CRISPLD2: variants seen among roughly 807,000 people sequenced by gnomAD.
The protein encoded by CRISPLD2 is cysteine-rich secretory protein LCCL domain-containing 2.
CRISPLD2 carries 47 observed loss-of-function variants against 71.1 expected under a neutral mutation model. The observed-to-expected ratio is 0.66, with a 90% CI of 0.52 to 0.84. CRISPLD2 has a LOEUF of 0.84. Among genes scored for constraint, CRISPLD2 ranks in the 40% least tolerant of loss-of-function variants. CRISPLD2 has a pLI of 0.00. For missense variants in CRISPLD2, 830 were observed against 651.1 expected, an observed-to-expected ratio of 1.27 and a Z score of -2.99; for synonymous variants, 317 against 250.1, an observed-to-expected ratio of 1.27 and a Z score of -2.52.
chr16:84,893,520 C>T (rs1002700661), intron 14 of CRISPLD2, among the ~76,000 whole-genome samples: 1 of 152,236 alleles, frequency 6.6e-6, no homozygotes, highest in African/African-American at 2.4e-5. Flanking sequence ...GTCCCTGGCA[C>T]CCAGGATCCC....
chr16:84,821,397 C>G (rs747325919), intron 1 of CRISPLD2, among the ~76,000 whole-genome samples: 1 of 152,206 alleles, frequency 6.6e-6, no homozygotes. Context: ...GCGGCAGGCA[C>G]GCGGTCTGTG....
chr16:84,864,833 T>C (rs1917491185), intron 6 of CRISPLD2, among the ~76,000 whole-genome samples: 1 of 152,152 alleles, frequency 6.6e-6, no homozygotes, highest in Admixed American at 6.5e-5. Flanking sequence ...TGGGGAACAG[T>C]GCAGGGTGAC....
At chr16:84,827,075 C>T (rs1278764038) in intron 1 of CRISPLD2, among the ~76,000 whole-genome samples, 2 of 152,092 alleles carry the variant, frequency 1.3e-5, no homozygotes, top group African/African-American at 2.4e-5. Context: ...AGCGCCGTAG[C>T]CCCGGTCACA....
At chr16:84,862,694 T>TA (rs1555562446) in intron 6 of CRISPLD2, among the ~76,000 whole-genome samples, 4 of 148,356 alleles carry the variant, frequency 2.7e-5, no homozygotes, top group Non-Finnish European at 4.5e-5. Flanking sequence ...TTTTTTTTTT[T>TA]AACGTGGCTC....
chr16:84,858,705 A>T (rs1332212389), intron 6 of CRISPLD2, among the ~76,000 whole-genome samples: 1 of 152,232 alleles, frequency 6.6e-6, no homozygotes, highest in East Asian at 1.9e-4. Context: ...TGGAGAATTG[A>T]TATACCCCTG....
At chr16:84,866,816 T>A in intron 6 of CRISPLD2, 81 bp from the exon 7 acceptor site, 2 of 1,392,134 alleles carry the variant, frequency 1.4e-6, no homozygotes, top group Non-Finnish European at 2.0e-6. Flanking sequence ...CGTTTAGTTT[T>A]CAAATTGCTT....
intron 1 of CRISPLD2, among the ~76,000 whole-genome samples, chr16:84,822,309 G>A (rs779459533): frequency 4.3e-4 from 66 of 152,356 alleles, no homozygotes; most frequent in Non-Finnish European, 4.4e-4. Flanking sequence ...TAAAACCTCT[G>A]CACTTCATCC....
chr16:84,829,403 A>C (rs1053093650), intron 1 of CRISPLD2, among the ~76,000 whole-genome samples: 1 of 152,206 alleles, frequency 6.6e-6, no homozygotes, highest in African/African-American at 2.4e-5. Flanking sequence ...TGCCAGAGAC[A>C]CAAACGGGGG....
intron 11 of CRISPLD2, among the ~76,000 whole-genome samples, chr16:84,875,255 A>ATG (rs2071507543): frequency 9.6e-6 from 1 of 104,392 alleles, no homozygotes; most frequent in Non-Finnish European, 1.8e-5. Context: ...AAATATATAC[A>ATG]TATGTGTGTG....
rs556281353 is a variant in CRISPLD2 at position 84,846,940 on chromosome 16, G to T, written c.359+1036G>T. Among the ~76,000 whole-genome samples the T allele has an allele frequency of 9.8e-5, 15 of 152,308 alleles. No individual in the cohort carries two copies. In the East Asian group the frequency reaches 2.9e-3, roughly 29 times the overall value. ...AAGAACCCAGAAGTCCCCTCCTGGG[G>T]GCTGACGGCTGGTTTCATTGGAGAA... On this transcript the variant is annotated intron_variant, in intron 3 of 14. Transcript: ENST00000262424.
rs751934011 is a variant in CRISPLD2 at position 84,845,767 on chromosome 16, G to A, written c.241-19G>A. 22 of 1,570,046 alleles carry A rather than the reference G, an allele frequency of 1.4e-5. No homozygotes were observed. Among genetic ancestry groups the A allele is most frequent in the African/African-American group, 2.7e-5 (2 of 74,032 alleles). ...CCCTCACCCTCACCTCCTGGTGCCC[G>A]TTTCTCCTTCTCCTGCAGACCTGGG... On this transcript the variant is annotated intron_variant, in intron 2 of 14. Transcript: ENST00000262424.
intron 6 of CRISPLD2, among the ~76,000 whole-genome samples, chr16:84,858,713 C>T (rs1392421184): frequency 6.6e-6 from 1 of 152,224 alleles, no homozygotes; most frequent in African/African-American, 2.4e-5. Context: ...TGATATACCC[C>T]TGAGCTTAGG....
chr16:84,852,897 C>T (rs769678569), intron 5 of CRISPLD2, among the ~76,000 whole-genome samples: 1 of 152,128 alleles, frequency 6.6e-6, no homozygotes, highest in East Asian at 1.9e-4. Flanking sequence ...AAAACCCCAT[C>T]TCCACGAAAA....
intron 13 of CRISPLD2, among the ~76,000 whole-genome samples, chr16:84,883,820 G>A (rs902512477): frequency 5.9e-5 from 9 of 151,312 alleles, no homozygotes; most frequent in Non-Finnish European, 1.0e-4. Flanking sequence ...GCCATCCTGC[G>A]TTAAGCCTGG....
At chr16:84,906,040 G>C (rs59223751) in intron 14 of CRISPLD2, among the ~76,000 whole-genome samples, 1 of 152,052 alleles carries the variant, frequency 6.6e-6, no homozygotes, top group South Asian at 2.1e-4. Context: ...TCTTTGATTA[G>C]CTGAAGGATT....
intron 14 of CRISPLD2, 106 bp downstream of exon 14, chr16:84,889,469 G>A: frequency 8.1e-7 from 1 of 1,228,504 alleles, no homozygotes; most frequent in African/African-American, 1.7e-5. Context: ...ATAAAACTCG[G>A]GTAGACTTGC....
chr16:84,891,619 C>T (rs1181618352), intron 14 of CRISPLD2, among the ~76,000 whole-genome samples: 2 of 145,542 alleles, frequency 1.4e-5, no homozygotes, highest in Non-Finnish European at 3.0e-5. Context: ...GCTCTTTGTA[C>T]CCTCTTTGAG....
intron 4 of CRISPLD2, among the ~76,000 whole-genome samples, chr16:84,850,157 C>A (rs1362706767): frequency 6.6e-6 from 1 of 151,314 alleles, no homozygotes; most frequent in East Asian, 1.9e-4. Context: ...GTGGCACGAT[C>A]TTGGCTCACC....
At chr16:84,860,888 G>C (rs1206721217) in intron 6 of CRISPLD2, among the ~76,000 whole-genome samples, 2 of 152,134 alleles carry the variant, frequency 1.3e-5, no homozygotes, top group East Asian at 3.8e-4. Flanking sequence ...GATAATCTTA[G>C]CAGATTTGAG....
Sources: gnomAD v4.1 joint callset for allele counts (sites outside exome capture counted in the v4.1 genomes callset) on GRCh38, gnomAD v4.1.1 for gene constraint, MANE v1.5 for transcripts, NCBI Gene and HGNC (gene_info 2026-07-23, HGNC 2026-07-21) for gene names.